The following TMTC1 variants were observed in gnomAD, a reference collection of about 807,000 sequenced individuals.
The protein encoded by TMTC1 is transmembrane O-mannosyltransferase targeting cadherins 1, also known as protein O-mannosyl-transferase TMTC1.
A neutral mutation model predicts 104.8 loss-of-function variants in TMTC1; 73 were observed. The ratio of observed to expected loss-of-function variants is 0.70; its 90% CI spans 0.58 to 0.85. The LOEUF is 0.85. TMTC1 is among the 40% of genes least tolerant of loss of function. The pLI, the probability that TMTC1 is intolerant of heterozygous loss-of-function variation, is 0.00. For missense variants in TMTC1, 1,035 were observed against 1,096.1 expected (o/e 0.94, Z 0.79); for synonymous variants, 434 against 428.7 (o/e 1.01, Z -0.15).
chr12:29,650,936 A>G (rs1240927098), intron 5 of TMTC1, among the ~76,000 whole-genome samples: 6 of 152,370 alleles, frequency 3.9e-5, no homozygotes, highest in African/African-American at 1.4e-4. Flanking sequence ...GATCTTCTTC[A>G]ACATTTCTTG....
intron 7 of TMTC1, among the ~76,000 whole-genome samples, chr12:29,599,485 G>T (rs1246427994): frequency 6.6e-6 from 1 of 152,186 alleles, no homozygotes; most frequent in Non-Finnish European, 1.5e-5. Flanking sequence ...GACCTTTTCT[G>T]GGTTGAGATG....
At chr12:29,561,001 C>G (rs944196824) in intron 9 of TMTC1, among the ~76,000 whole-genome samples, 3 of 151,996 alleles carry the variant, frequency 2.0e-5, no homozygotes, top group Non-Finnish European at 2.9e-5. Flanking sequence ...TTCAAAACTG[C>G]TTAAGTAGAA....
chr12:29,520,663 T>C lies in TMTC1; in HGVS notation c.1843A>G (p.Ser615Gly). The C allele has an allele frequency of 6.2e-7, 1 of 1,613,772 alleles. No homozygotes were observed. The highest frequency in any genetic ancestry group is 8.5e-7 in the Non-Finnish European group (1 of 1,179,916). Residue 615 changes from serine to glycine, a missense_variant, in exon 12 of 18, where the codon AGC becomes GGC. Coordinates refer to ENST00000539277, the MANE Select transcript of TMTC1 (RefSeq NM_001193451.2). Reference protein sequence around the residue: ...YQTGIKNCPDSSDLHNNYGVF... With the variant: ...YQTGIKNCPDGSDLHNNYGVF... ...CCATAGTTGTTGTGTAAATCTGAGC[T>C]GTCTGGACAGTTCTTTATTCCAGTT...
chr12:29,555,512 C>G (rs1945218597), intron 10 of TMTC1, among the ~76,000 whole-genome samples: 2 of 151,730 alleles, frequency 1.3e-5, no homozygotes, highest in African/African-American at 4.8e-5. Context: ...GTGTGATGTT[C>G]CCCTCCCTGT....
chr12:29,663,892 T>C (rs1349966858), intron 5 of TMTC1, among the ~76,000 whole-genome samples: 2 of 152,146 alleles, frequency 1.3e-5, no homozygotes, highest in African/African-American at 2.4e-5. Flanking sequence ...AAGTGTCCCC[T>C]GGTTTCCTGA....
intron 9 of TMTC1, among the ~76,000 whole-genome samples, chr12:29,560,457 A>C (rs1945349112): frequency 6.6e-6 from 1 of 152,160 alleles, no homozygotes; most frequent in African/African-American, 2.4e-5. Flanking sequence ...TTATTTCCTC[A>C]TTAAAAAAGA....
intron 10 of TMTC1, among the ~76,000 whole-genome samples, chr12:29,540,433 T>C (rs1369649240): frequency 6.6e-6 from 1 of 152,200 alleles, no homozygotes; most frequent in African/African-American, 2.4e-5. Context: ...GCTCAAGTGA[T>C]TTGTCCCCAG....
intron 7 of TMTC1, among the ~76,000 whole-genome samples, chr12:29,585,251 C>T (rs1260238157): frequency 1.3e-5 from 2 of 152,040 alleles, no homozygotes; most frequent in Non-Finnish European, 2.9e-5. Context: ...TTGAGAAGTA[C>T]CTGTTCATAT....
intron 15 of TMTC1, among the ~76,000 whole-genome samples, chr12:29,515,824 A>C (rs1334893510): frequency 6.6e-6 from 1 of 150,434 alleles, no homozygotes; most frequent in African/African-American, 2.4e-5. Context: ...GTGGGCCTTC[A>C]ACAATTACTT....
intron 2 of TMTC1, among the ~76,000 whole-genome samples, chr12:29,767,646 T>G (rs960184482): frequency 1.3e-5 from 2 of 152,106 alleles, no homozygotes; most frequent in African/African-American, 4.8e-5. Flanking sequence ...GAAAACCAAT[T>G]TGAACATTCA....
Position 29,518,506 on chromosome 12 carries a change from C to G in TMTC1, c.1990G>C (p.Gly664Arg). The change falls in exon 13 of 18, where the codon GGA (glycine) becomes CGA (arginine). Residue 664 changes from glycine to arginine, a missense_variant. Transcript: ENST00000539277. ...CATTCTTCAGCCATGCTGTTCTCTC[C>G]CAGTGACCTGTAGAGTCTTCCCAAG... Reference protein sequence around the residue: ...VNLGRLYRSLGENSMAEEWYK... With the variant: ...VNLGRLYRSLRENSMAEEWYK... The G allele has an allele frequency of 6.2e-7, 1 of 1,614,064 alleles. No homozygotes were observed. The highest frequency in any genetic ancestry group is 1.7e-5 in the Admixed American group (1 of 60,012).
At chr12:29,663,447 A>G (rs2075379) in intron 5 of TMTC1, among the ~76,000 whole-genome samples, 28,887 of 152,036 alleles carry the variant, frequency 0.19, 3,151 homozygotes, top group East Asian at 0.42. Flanking sequence ...AACATAGTGG[A>G]AAAATTAGCA....
chr12:29,725,820 C>T (rs967208500), intron 5 of TMTC1, among the ~76,000 whole-genome samples: 4 of 152,208 alleles, frequency 2.6e-5, no homozygotes, highest in Admixed American at 6.5e-5. Flanking sequence ...CTGGAGCGGA[C>T]TTCCTGAGAA....
At chr12:29,548,510 T>C (rs1311128798) in intron 10 of TMTC1, among the ~76,000 whole-genome samples, 1 of 152,092 alleles carries the variant, frequency 6.6e-6, no homozygotes, top group Non-Finnish European at 1.5e-5. Flanking sequence ...ATAAGTCTCA[T>C]GGAGATCTGA....
chr12:29,633,655 AAG>A (rs1257462626), intron 5 of TMTC1, among the ~76,000 whole-genome samples: 1 of 152,226 alleles, frequency 6.6e-6, no homozygotes, highest in Non-Finnish European at 1.5e-5. Flanking sequence ...TAGGAAGGAA[AAG>A]AGACATTTGA....
At position 29,502,665 on chromosome 12, in the gene TMTC1, C is replaced by T. The variant is rs1164263964; in HGVS notation, c.*4181G>A. On this transcript the variant is annotated 3_prime_UTR_variant, in exon 18 of 18. Transcript: ENST00000539277. ...GCCTCAACCAACCAATTGTGCCATACATCATTGTTAAGACTTCTTTGGCTC... is the reference window on the plus strand; with the variant it reads ...GCCTCAACCAACCAATTGTGCCATATATCATTGTTAAGACTTCTTTGGCTC... 1.3e-5 allele frequency: 2 copies of T among 152,182 alleles called. No individual in the cohort carries two copies. The highest frequency in any genetic ancestry group is 4.8e-5 in the African/African-American group (2 of 41,432). 9.4% of individuals were successfully genotyped at this position (152,182 alleles called of 1,614,324 possible). A position where few individuals can be genotyped will look rare whatever the true frequency, so the allele number is the denominator to read the frequency against.
rs751653651 is a variant in TMTC1 at position 29,572,171 on chromosome 12, T to C, written c.1466A>G (p.Tyr489Cys). Residue 489 changes from tyrosine to cysteine, a missense_variant, in exon 9 of 18, where the codon TAT becomes TGT. By Grantham distance (194) the Tyr-to-Cys change is radical. Transcript: ENST00000539277. ...LPHNAKVHYN[Y>C]ANFLKDQGRN... ...ACCTTGGTCCTTCAGGAAATTGGCA[T>C]AGTTGTAGTGAACCTTGGCATTGTG... 15 of 1,613,906 alleles carry C rather than the reference T, an allele frequency of 9.3e-6. No individual in the cohort carries two copies. The highest frequency in any genetic ancestry group is 1.6e-4 in the Middle Eastern group (1 of 6,080).
intron 15 of TMTC1, 49 bp downstream of exon 15, chr12:29,516,300 C>A (rs1490225153): frequency 6.4e-7 from 1 of 1,573,316 alleles, no homozygotes. Flanking sequence ...AGGTGCACCC[C>A]ATGTTTAACC....
intron 5 of TMTC1, among the ~76,000 whole-genome samples, chr12:29,686,912 G>A (rs951571468): frequency 1.3e-5 from 2 of 151,886 alleles, no homozygotes; most frequent in African/African-American, 4.8e-5. Context: ...CACCACATTT[G>A]GAGTTATGTA....
Sources: allele counts gnomAD v4.1 joint callset (sites outside exome capture counted in the v4.1 genomes callset), GRCh38; gene constraint gnomAD v4.1.1; transcripts MANE v1.5; gene names NCBI Gene and HGNC (gene_info 2026-07-23, HGNC 2026-07-21).